Variants in UXS1 observed in about 807,000 individuals in gnomAD.
UXS1 encodes UDP-glucuronic acid decarboxylase 1.
A neutral mutation model predicts 62.6 loss-of-function variants in UXS1; 33 were observed. The ratio of observed to expected loss-of-function variants is 0.53; its 90% CI spans 0.40 to 0.70. The LOEUF (loss-of-function observed/expected upper bound fraction) is 0.70, where lower values mean the gene tolerates loss of function less well. Among genes scored for constraint, UXS1 ranks in the 30% least tolerant of loss-of-function variants. UXS1 has a pLI of 0.00. For missense variants in UXS1, 434 were observed against 556.3 expected, an observed-to-expected ratio of 0.78 and a Z score of 2.21; for synonymous variants, 213 against 206.8, an observed-to-expected ratio of 1.03 and a Z score of -0.26.
intron 1 of UXS1, among the ~76,000 whole-genome samples, chr2:106,181,848 A>G (rs1051863331): frequency 1.3e-5 from 2 of 152,254 alleles, no homozygotes; most frequent in Admixed American, 6.5e-5. Context: ...CTGGGATCCA[A>G]CGTAACATGT....
At position 106,165,340 on chromosome 2, in the gene UXS1, A is replaced by G. The variant is rs746150471; in HGVS notation, c.123-541T>C. Among the ~76,000 whole-genome samples, 13 of 152,256 alleles carry G rather than the reference A, an allele frequency of 8.5e-5. 1 individual carries two copies. The East Asian group carries it at 1.4e-3, about 16-fold the overall frequency. ...TGAAAAGCCTCCTGAGGGCATAGTA[A>G]CCTTTTACCCTGGTAGACATGTGCA... On this transcript the variant is annotated intron_variant, in intron 2 of 14. Coordinates refer to ENST00000283148, the MANE Select transcript of UXS1 (RefSeq NM_001253875.2).
chr2:106,126,490 C>T (rs1312432117), intron 7 of UXS1, among the ~76,000 whole-genome samples: 3 of 152,072 alleles, frequency 2.0e-5, no homozygotes, highest in South Asian at 2.1e-4. Flanking sequence ...CACATGCCCA[C>T]GAAGCACTGC....
chr2:106,119,499 C>A (rs1209458148), intron 9 of UXS1, among the ~76,000 whole-genome samples: 1 of 152,172 alleles, frequency 6.6e-6, no homozygotes, highest in Non-Finnish European at 1.5e-5. Flanking sequence ...AGGCTGAGCA[C>A]GCAGCAGGCA....
chr2:106,136,688 C>T (rs1229265497), intron 6 of UXS1, among the ~76,000 whole-genome samples: 30 of 53,748 alleles, frequency 5.6e-4, no homozygotes, highest in Non-Finnish European at 1.5e-4. Flanking sequence ...CGCATATTCT[C>T]ACTCATAGGT....
chr2:106,111,459 T>A (rs865952664), intron 10 of UXS1, among the ~76,000 whole-genome samples: 1 of 152,162 alleles, frequency 6.6e-6, no homozygotes, highest in Admixed American at 6.5e-5. Context: ...GTCATCCCAC[T>A]GTGTAACAGG....
chr2:106,168,937 T>C lies in UXS1; in HGVS notation c.95-2854A>G, dbSNP rs934706184. Reference sequence around the variant, plus strand: ...AAAATACTGAGTTTAAATGGTGACATGAGTAACTGTTTAATTTTCCTTGTG... The same window carrying C: ...AAAATACTGAGTTTAAATGGTGACACGAGTAACTGTTTAATTTTCCTTGTG... On this transcript the variant is annotated intron_variant, in intron 1 of 14. Coordinates refer to ENST00000283148, the MANE Select transcript of UXS1 (RefSeq NM_001253875.2). 3.9e-5 allele frequency among the ~76,000 whole-genome samples: 6 copies of C among 152,238 alleles called. No individual in the cohort carries two copies. In the East Asian group the frequency reaches 9.6e-4, roughly 24 times the overall value.
intron 9 of UXS1, among the ~76,000 whole-genome samples, chr2:106,121,563 C>T (rs1381167202): frequency 6.6e-6 from 1 of 152,120 alleles, no homozygotes; most frequent in African/African-American, 2.4e-5. Flanking sequence ...ACAGAGTGGT[C>T]CTGTGTGTCT....
chr2:106,109,492 G>A (rs556250526), intron 10 of UXS1, among the ~76,000 whole-genome samples: 4 of 152,128 alleles, frequency 2.6e-5, no homozygotes, highest in Non-Finnish European at 5.9e-5. Context: ...CCTGTCCTGG[G>A]CAAATCCAAA....
At chr2:106,112,862 A>G (rs1308829179) in intron 9 of UXS1, 97 bp from the exon 10 acceptor site, 3 of 1,476,932 alleles carry the variant, frequency 2.0e-6, no homozygotes, top group Admixed American at 2.4e-5. Flanking sequence ...CAGAATGGAA[A>G]CGTTCTGCTT....
rs544350253 is a variant in UXS1, at chr2:106,181,739, A to T, written c.94+12409T>A. On this transcript the variant is annotated intron_variant, in intron 1 of 14. Coordinates refer to ENST00000283148, the MANE Select transcript of UXS1 (RefSeq NM_001253875.2). Reference sequence around the variant, plus strand: ...TCAAAAAAAATAAATAAATTTTTTTAAAAATCCATACTAGTTAAGAAGAAA... The same window carrying T: ...TCAAAAAAAATAAATAAATTTTTTTTAAAATCCATACTAGTTAAGAAGAAA... 1.1e-3 allele frequency among the ~76,000 whole-genome samples: 161 copies of T among 152,338 alleles called. 3 individuals carry two copies. The South Asian group carries it at 0.028, about 27-fold the overall frequency.
At chr2:106,118,223 T>A (rs1490046311) in intron 9 of UXS1, among the ~76,000 whole-genome samples, 1 of 4,650 alleles carries the variant, frequency 2.2e-4, no homozygotes, top group Non-Finnish European at 3.2e-3. Flanking sequence ...GGCTGCTTAC[T>A]TTTTTTTTTT....
intron 5 of UXS1, among the ~76,000 whole-genome samples, chr2:106,148,156 T>G (rs184862554): frequency 3.3e-5 from 5 of 152,370 alleles, no homozygotes; most frequent in Admixed American, 2.6e-4. Context: ...CTACTGCCTG[T>G]CAATTTGTCT....
chr2:106,122,602 C>T (rs541728240), intron 9 of UXS1, among the ~76,000 whole-genome samples: 10 of 152,232 alleles, frequency 6.6e-5, no homozygotes, highest in East Asian at 3.9e-4. Context: ...ACAGCAATAA[C>T]GCATCCATTT....
rs559239221 is a variant in UXS1 at position 106,106,389 on chromosome 2, C to T, written c.880-1552G>A. On this transcript the variant is annotated intron_variant, in intron 10 of 14. Coordinates refer to ENST00000283148, the MANE Select transcript of UXS1 (RefSeq NM_001253875.2). The stretch of plus-strand genomic sequence containing the variant: ...CAAAAAAAAAAAAAAAAAGCACATG[C>T]ATCAAACCCCCTGAAAGCCTTATTT... 4.4e-4 allele frequency among the ~76,000 whole-genome samples: 65 copies of T among 147,654 alleles called. 1 individual carries two copies. The highest frequency in any genetic ancestry group is 1.6e-3 in the African/African-American group (63 of 40,288).
chr2:106,160,291 C>G lies in UXS1; in HGVS notation c.231-2173G>C, dbSNP rs1339677811. ...AGCTCACGATATCCATGTCTTCAGC[C>G]TCAGTCCCCAAGTGGCACACCCAGT... On this transcript the variant is annotated intron_variant, in intron 4 of 14. Coordinates refer to ENST00000283148, the MANE Select transcript of UXS1 (RefSeq NM_001253875.2). 4 of 152,308 alleles carry G rather than the reference C, an allele frequency of 2.6e-5. 1 individual carries two copies. In the East Asian group the frequency reaches 7.7e-4, roughly 29 times the overall value. The allele number at this position is 152,308 out of a possible 1,614,324, so 9.4% of individuals were successfully genotyped here.
In UXS1 at chr2:106,123,042, T is replaced by G. The variant is rs770203522; in HGVS notation, c.687A>C (p.Pro229=). ...CATCGTAGCAGGCCCGAGGTCCTAT[T>G]GGATTCACGTGGCCCCAGTAATCCT... is the stretch of plus-strand genomic sequence containing the variant. The part of the protein sequence containing the change: ...QSEDYWGHVN[P]IGPRACYDEG... Residue 229 remains proline (P), a synonymous_variant, in exon 9 of 15, where the codon CCA becomes CCC. Transcript: ENST00000283148. 8.7e-6 allele frequency: 14 copies of G among 1,614,026 alleles called. No homozygotes were observed. Among genetic ancestry groups the G allele is most frequent in the Non-Finnish European group, 2.5e-6 (3 of 1,179,880 alleles).
rs116172451 is a variant in UXS1, at chr2:106,173,606, A to G, written c.95-7523T>C. 5.0e-3 allele frequency among the ~76,000 whole-genome samples: 763 copies of G among 152,298 alleles called. 4 individuals carry two copies. The highest frequency in any genetic ancestry group is 0.041 in the Middle Eastern group (12 of 294). On this transcript the variant is annotated intron_variant, in intron 1 of 14. Transcript: ENST00000283148. The stretch of plus-strand genomic sequence containing the variant: ...TCTATTAAAAGAGCCAGAATAGCAA[A>G]TATTGCAGTTTTGTGGGACATCTCT...
At chr2:106,155,396 G>C (rs1008901362) in intron 5 of UXS1, among the ~76,000 whole-genome samples, 5 of 152,106 alleles carry the variant, frequency 3.3e-5, no homozygotes, top group African/African-American at 1.2e-4. Context: ...AATAGTAAAT[G>C]GATTCCAGAA....
intron 5 of UXS1, among the ~76,000 whole-genome samples, chr2:106,145,887 T>A (rs942354275): frequency 1.1e-4 from 16 of 152,192 alleles, no homozygotes; most frequent in African/African-American, 3.9e-4. Context: ...GAGAACAAAT[T>A]AATAAGCAAT....
Sources: allele counts gnomAD v4.1 joint callset (sites outside exome capture counted in the v4.1 genomes callset), GRCh38; gene constraint gnomAD v4.1.1; transcripts MANE v1.5; gene names NCBI Gene and HGNC (gene_info 2026-07-23, HGNC 2026-07-21).